PTPRD: variants seen among roughly 807,000 people sequenced by gnomAD.
PTPRD encodes the protein protein tyrosine phosphatase receptor type D.
Under a neutral mutation model 214.5 loss-of-function variants are expected in PTPRD, and 34 were observed. That is an observed-to-expected ratio of 0.16 (90% CI 0.12 to 0.21). PTPRD has a LOEUF of 0.21. PTPRD is among the 10% of genes least tolerant of loss of function. PTPRD has a pLI of 1.00. For missense variants in PTPRD, 2,545 were observed against 2,398.7 expected, an observed-to-expected ratio of 1.06 and a Z score of -1.27; for synonymous variants, 1,128 against 845.7, an observed-to-expected ratio of 1.33 and a Z score of -5.79.
At chr9:8,340,980 T>C in intron 41 of PTPRD, 110 bp downstream of exon 41, 1 of 1,108,766 alleles carries the variant, frequency 9.0e-7, no homozygotes, top group Non-Finnish European at 1.3e-6. Context: ...AATGATGACC[T>C]ATGCAGAAAG....
At chr9:8,945,295 C>A (rs1308577990) in intron 11 of PTPRD, among the ~76,000 whole-genome samples, 2 of 151,552 alleles carry the variant, frequency 1.3e-5, no homozygotes, top group Non-Finnish European at 3.0e-5. Context: ...TAATAGGTTT[C>A]TTTATTTAGA....
At chr9:9,122,722 C>G (rs866177342) in intron 10 of PTPRD, among the ~76,000 whole-genome samples, 1 of 152,152 alleles carries the variant, frequency 6.6e-6, no homozygotes, top group Non-Finnish European at 1.5e-5. Context: ...CATTTAGCTA[C>G]GTTCTGTTTT....
intron 3 of PTPRD, among the ~76,000 whole-genome samples, chr9:10,319,171 G>A (rs2096503107): frequency 6.6e-6 from 1 of 152,064 alleles, no homozygotes; most frequent in Non-Finnish European, 1.5e-5. Context: ...TCAAAAGGAT[G>A]GGCAGGGGAC....
chr9:10,076,603 T>C (rs1387714891), intron 3 of PTPRD, among the ~76,000 whole-genome samples: 1 of 152,102 alleles, frequency 6.6e-6, no homozygotes, highest in Non-Finnish European at 1.5e-5. Flanking sequence ...TGAGCAGGTC[T>C]GTCAGCTCCT....
intron 11 of PTPRD, among the ~76,000 whole-genome samples, chr9:8,853,798 G>A (rs1021591549): frequency 1.3e-5 from 2 of 152,144 alleles, no homozygotes; most frequent in African/African-American, 4.8e-5. Context: ...CACTGGTTTT[G>A]CTTGAGGCAG....
At chr9:9,881,277 C>T (rs552538965) in intron 5 of PTPRD, among the ~76,000 whole-genome samples, 1 of 152,060 alleles carries the variant, frequency 6.6e-6, no homozygotes, top group Non-Finnish European at 1.5e-5. Flanking sequence ...ATATCTACAA[C>T]TTGACTATCA....
chr9:9,998,904 G>A (rs2096241914), intron 4 of PTPRD, among the ~76,000 whole-genome samples: 1 of 152,142 alleles, frequency 6.6e-6, no homozygotes, highest in African/African-American at 2.4e-5. Flanking sequence ...GGATCTCCAG[G>A]AAATATCACC....
chr9:9,136,025 A>G (rs1013927779), intron 10 of PTPRD, among the ~76,000 whole-genome samples: 2 of 152,208 alleles, frequency 1.3e-5, no homozygotes, highest in South Asian at 2.1e-4. Context: ...ACACATGCAC[A>G]CACACATACA....
chr9:9,203,793 G>C (rs571158609), intron 9 of PTPRD, among the ~76,000 whole-genome samples: 1 of 152,212 alleles, frequency 6.6e-6, no homozygotes, highest in East Asian at 1.9e-4. Flanking sequence ...ATGCTTTATA[G>C]CAAAGAAAAA....
intron 3 of PTPRD, among the ~76,000 whole-genome samples, chr9:10,285,502 G>A (rs2095314118): frequency 1.3e-5 from 2 of 151,044 alleles, no homozygotes; most frequent in South Asian, 2.1e-4. Flanking sequence ...TTTTTAAAAA[G>A]CACACACAGC....
At chr9:10,484,849 A>G (rs2784607) in intron 2 of PTPRD, among the ~76,000 whole-genome samples, 33,049 of 151,776 alleles carry the variant, frequency 0.22, 3,857 homozygotes, top group East Asian at 0.39. Context: ...TTTGCTGTGC[A>G]GAAGCTCTAC....
intron 2 of PTPRD, among the ~76,000 whole-genome samples, chr9:10,418,777 A>G (rs2098518926): frequency 6.6e-6 from 1 of 151,922 alleles, no homozygotes; most frequent in Non-Finnish European, 1.5e-5. Context: ...GGAAAAAAGA[A>G]GGAAATTATT....
At chr9:10,467,590 A>C in intron 2 of PTPRD, among the ~76,000 whole-genome samples, 1 of 152,308 alleles carries the variant, frequency 6.6e-6, no homozygotes, top group East Asian at 1.9e-4. Flanking sequence ...GTGTGTGTAC[A>C]TGTGTGATAG....
chr9:8,377,369 T>C (rs1376261558), intron 37 of PTPRD, among the ~76,000 whole-genome samples: 1 of 152,066 alleles, frequency 6.6e-6, no homozygotes, highest in Non-Finnish European at 1.5e-5. Context: ...TAATTTAAAA[T>C]TCATCCAAGA....
intron 11 of PTPRD, among the ~76,000 whole-genome samples, chr9:8,841,253 T>A (rs916372602): frequency 6.6e-6 from 1 of 152,130 alleles, no homozygotes; most frequent in African/African-American, 2.4e-5. Flanking sequence ...GAAAAATGAG[T>A]GTCTTCAAGA....
chr9:8,544,789 A>G (rs2140359296), intron 14 of PTPRD, among the ~76,000 whole-genome samples: 1 of 152,142 alleles, frequency 6.6e-6, no homozygotes, highest in African/African-American at 2.4e-5. Flanking sequence ...TTTCAATGGT[A>G]AAACAGCGGT....
At chr9:9,592,576 T>C (rs577747240) in intron 7 of PTPRD, among the ~76,000 whole-genome samples, 2 of 151,966 alleles carry the variant, frequency 1.3e-5, no homozygotes, top group Non-Finnish European at 2.9e-5. Context: ...ATCTGAAATT[T>C]CTCCTCTAGC....
chr9:10,363,991 G>GTTTTTTTGTTTTTTTTTTTTT (rs1485501417), intron 2 of PTPRD, among the ~76,000 whole-genome samples: 6 of 35,132 alleles, frequency 1.7e-4, no homozygotes, highest in Admixed American at 2.9e-4. Context: ...ACATTTTCGG[G>GTTTTTTTGTTTTTTTTTTTTT]TTTTTTTTTT....
At chr9:9,899,350 C>G (rs1331309260) in intron 5 of PTPRD, among the ~76,000 whole-genome samples, 1 of 151,958 alleles carries the variant, frequency 6.6e-6, no homozygotes, top group African/African-American at 2.4e-5. Context: ...ACTAAAACAA[C>G]TCAATAGCAA....
Sources: allele counts gnomAD v4.1 joint callset (sites outside exome capture counted in the v4.1 genomes callset), GRCh38; gene constraint gnomAD v4.1.1; transcripts MANE v1.5; gene names NCBI Gene and HGNC (gene_info 2026-07-23, HGNC 2026-07-21).